The following FBF1 variants were observed in gnomAD, a reference collection of about 807,000 sequenced individuals.
The protein encoded by FBF1 is fas-binding factor 1.
In FBF1, 119 loss-of-function variants were observed where a neutral mutation model predicts 147.2. That is an observed-to-expected ratio of 0.81 (90% CI 0.70 to 0.94). The LOEUF is 0.94. FBF1 is among the 40% of genes least tolerant of loss of function. The pLI, the probability that FBF1 is intolerant of heterozygous loss-of-function variation, is 0.00. For synonymous variants in FBF1, 601 were observed against 609.0 expected (o/e 0.99, Z 0.19); for missense variants, 1,449 against 1,500.8 (o/e 0.97, Z 0.57).
chr17:75,930,269 T>G (rs2065586595), intron 6 of FBF1: 2 of 582,964 alleles, frequency 3.4e-6, no homozygotes, highest in Non-Finnish European at 6.1e-6. Context: ...CAGAGAGCAC[T>G]GCCATTCCTA....
At position 75,919,806 on chromosome 17, in the gene FBF1, T is replaced by C; in HGVS notation, c.2000A>G (p.Glu667Gly). Residue 667 changes from glutamate (E) to glycine (G), a missense_variant, in exon 20 of 30, where the codon GAG (glutamate) becomes GGG (glycine). Glu to Gly is a moderately conservative substitution (Grantham distance 98). Coordinates refer to ENST00000636174, the MANE Select transcript of FBF1 (RefSeq NM_001319193.2). This position sits in a 1 kb window ranked among gnomAD's most constrained non-coding sequence, Gnocchi z 5.0. ...CTGCGACAGATACCGAGCTGACAGCTCTTCGTTCTCTCTCCGGAGCCGCTC... is the reference window on the plus strand; with the variant it reads ...CTGCGACAGATACCGAGCTGACAGCCCTTCGTTCTCTCTCCGGAGCCGCTC... ...REERLRRENE[E>G]LSARYLSQCQ... is the part of the protein sequence containing the mutation. The C allele has an allele frequency of 6.2e-7, 1 of 1,613,740 alleles. No individual in the cohort carries two copies. Among genetic ancestry groups the C allele is most frequent in the East Asian group, 2.2e-5 (1 of 44,888 alleles).
In FBF1 at chr17:75,926,337, A is replaced by G. The variant is rs372219384; in HGVS notation, c.685T>C (p.Leu229=). 6.8e-6 allele frequency: 11 copies of G among 1,613,166 alleles called. No homozygotes were observed. In the African/African-American group the frequency reaches 1.5e-4, roughly 22 times the overall value. ...GCTTTGGGGCTGTCTCCAAACCCCA[A>G]GGTGGCCATGATGTCATCCCCATCA... ...FDDGDDIMAT[L]GFGDSPKAEK... Residue 229 remains leucine, a synonymous_variant, in exon 11 of 30, where the codon TTG becomes CTG. Transcript: ENST00000636174.
chr17:75,920,984 T>C (rs2065522472), intron 17 of FBF1, among the ~76,000 whole-genome samples: 1 of 152,132 alleles, frequency 6.6e-6, no homozygotes, highest in African/African-American at 2.4e-5. Flanking sequence ...GACTGCAGCA[T>C]CCCAGCTCCC....
chr17:75,930,049 T>C lies in FBF1; in HGVS notation c.229-2A>G, dbSNP rs1386759554. On this transcript the variant is annotated splice_acceptor_variant, in intron 6 of 29. Transcript: ENST00000636174. LOFTEE classifies it high-confidence loss of function. ...GTCTGCCTCTGAGATACCTGAAACC[T>C]AAGTCCACAATGAGGGTGAGGACAC... The C allele has an allele frequency of 7.0e-7, 1 of 1,435,800 alleles. No homozygotes were observed. 88.9% of individuals were successfully genotyped at this position (1,435,800 alleles called of 1,614,324 possible).
At chr17:75,936,010 TA>T (rs1261202011) in intron 3 of FBF1, among the ~76,000 whole-genome samples, 1 of 144,868 alleles carries the variant, frequency 6.9e-6, no homozygotes, top group African/African-American at 2.6e-5. Context: ...ACCCTGTCTT[TA>T]CTAAAAATAC....
In FBF1 at chr17:75,923,414, G is replaced by A. The variant is rs1363713286; in HGVS notation, c.1196C>T (p.Thr399Met). The change falls in exon 14 of 30, where the codon ACG becomes ATG. Residue 399 changes from threonine to methionine, a missense_variant. Transcript: ENST00000636174. This position sits in a 1 kb window ranked among gnomAD's most constrained non-coding sequence, Gnocchi z 4.1. ...CCTGGAGGGGGGCAGCCCAGCTGGC[G>A]TGGAGTGCTGGCTCGCAGGAGGAGG... Reference protein sequence around the residue: ...SVPPPASQHSTPAGLPPSRAK... With the variant: ...SVPPPASQHSMPAGLPPSRAK... 3 of 1,607,830 alleles carry A rather than the reference G, an allele frequency of 1.9e-6. No homozygotes were observed. Among genetic ancestry groups the A allele is most frequent in the Non-Finnish European group, 2.5e-6 (3 of 1,177,474 alleles).
intron 13 of FBF1, among the ~76,000 whole-genome samples, chr17:75,924,547 A>G (rs2144175949): frequency 6.6e-6 from 1 of 152,130 alleles, no homozygotes; most frequent in East Asian, 1.9e-4. Context: ...GTGCAATCTC[A>G]GCTCACCACA....
rs2065558259 is a variant in FBF1 at position 75,925,940 on chromosome 17, G to A, written c.868+90C>T. On this transcript the variant is annotated intron_variant, in intron 12 of 29. Coordinates refer to ENST00000636174, the MANE Select transcript of FBF1 (RefSeq NM_001319193.2). The surrounding 1 kb of genome is among the most constrained non-coding windows in gnomAD (Gnocchi z 5.0). ...TATAATCACATGTGTGTATCAGGAT[G>A]TGAGGCTGATTTCTCATTATAGGTT... is the stretch of plus-strand genomic sequence containing the variant. 1 of 1,460,288 alleles carries A rather than the reference G, an allele frequency of 6.8e-7. No homozygotes were observed. The highest frequency in any genetic ancestry group is 1.4e-5 in the African/African-American group (1 of 70,602). 90.5% of individuals were successfully genotyped at this position (1,460,288 alleles called of 1,614,324 possible).
At chr17:75,935,448 C>A (rs997304458) in intron 4 of FBF1, among the ~76,000 whole-genome samples, 184 bp downstream of exon 4, 8 of 151,870 alleles carry the variant, frequency 5.3e-5, no homozygotes, top group Non-Finnish European at 7.4e-5. Flanking sequence ...ATTACAGGCG[C>A]ATATATCTCA....
chr17:75,910,516 G>A lies in FBF1; in HGVS notation c.*207C>T. ...GGGCAGCCAAAGCCATGGTAAGATA[G>A]CCTACACCACAGAGCCCCAGAGGCA... On this transcript the variant is annotated 3_prime_UTR_variant, in exon 30 of 30. Transcript: ENST00000636174. This position sits in a 1 kb window ranked among gnomAD's most constrained non-coding sequence, Gnocchi z 4.1. 1.8e-6 allele frequency: 1 copy of A among 564,480 alleles called. No individual in the cohort carries two copies. The highest frequency in any genetic ancestry group is 4.8e-4 in the Middle Eastern group (1 of 2,080). The allele number at this position is 564,480 out of a possible 1,614,324, so 35.0% of individuals were successfully genotyped here. A position where few individuals can be genotyped will look rare whatever the true frequency, so the allele number is the denominator to read the frequency against.
At position 75,923,067 on chromosome 17, in the gene FBF1, C is replaced by T; in HGVS notation, c.1424+119G>A. The stretch of plus-strand genomic sequence containing the variant: ...AGCCAAGAAGCGGCCTCTGTGGCCA[C>T]GGCGCCCTGCCTTGTTCCCCAACTG... On this transcript the variant is annotated intron_variant, in intron 14 of 29. Transcript: ENST00000636174. The surrounding 1 kb of genome is among the most constrained non-coding windows in gnomAD (Gnocchi z 4.1). 9.5e-7 allele frequency: 1 copy of T among 1,049,574 alleles called. No homozygotes were observed. Among genetic ancestry groups the T allele is most frequent in the Non-Finnish European group, 1.4e-6 (1 of 734,624 alleles). 65.0% of individuals were successfully genotyped at this position (1,049,574 alleles called of 1,614,324 possible). A position where few individuals can be genotyped will look rare whatever the true frequency, so the allele number is the denominator to read the frequency against.
chr17:75,913,390 C>T (rs1481366616), intron 28 of FBF1: 2 of 234,200 alleles, frequency 8.5e-6, no homozygotes, highest in East Asian at 8.9e-5. Flanking sequence ...TCAGATGATC[C>T]GCCTGCCTCG....
intron 6 of FBF1, among the ~76,000 whole-genome samples, chr17:75,930,761 A>G (rs1259363360): frequency 6.6e-6 from 1 of 152,156 alleles, no homozygotes; most frequent in Non-Finnish European, 1.5e-5. Context: ...ATCTCTACTA[A>G]AAATACAAAA....
chr17:75,933,084 T>C lies in FBF1; in HGVS notation c.78A>G (p.Thr26=), dbSNP rs748370097. The C allele has an allele frequency of 1.0e-5, 16 of 1,599,404 alleles. 1 individual carries two copies. In the South Asian group the frequency reaches 1.7e-4, roughly 17 times the overall value. ...CTAGTTTAACAGGCTTCTCAGGTAG[T>C]GTCACTGGAAAAAAAGAAAAGAGAA... The part of the protein sequence containing the change: ...FLGDLLGDDM[T]LPEKPVKLAS... The change falls in exon 5 of 30, where the codon ACA becomes ACG. Residue 26 remains threonine (T), a synonymous_variant. Transcript: ENST00000636174.
Position 75,918,201 on chromosome 17 carries a change from C to A in FBF1, c.2207G>T (p.Arg736Leu), listed in dbSNP as rs538500854. The A allele has an allele frequency of 1.9e-6, 3 of 1,613,272 alleles. No individual in the cohort carries two copies. The highest frequency in any genetic ancestry group is 2.5e-6 in the Non-Finnish European group (3 of 1,179,858). The change falls in exon 21 of 30, where the codon CGA becomes CTA. Residue 736 changes from arginine (R) to leucine (L), a missense_variant. Physicochemically the swap from Arg to Leu is moderately radical, Grantham distance 102 (BLOSUM62 -2). Coordinates refer to ENST00000636174, the MANE Select transcript of FBF1 (RefSeq NM_001319193.2). The surrounding 1 kb of genome is among the most constrained non-coding windows in gnomAD (Gnocchi z 5.8). ...QLQRLKLLKDREVDAATSATS... is the reference protein window; with the variant it reads ...QLQRLKLLKDLEVDAATSATS... ...GGCACTGGTGGCCGCATCGACCTCT[C>A]GGTCCTTCAGCAGCTTTAGCCGCTG...
Position 75,914,813 on chromosome 17 carries a change from C to A in FBF1, c.2748G>T (p.Glu916Asp). The change falls in exon 25 of 30, where the codon GAG (glutamate) becomes GAT (aspartate). Residue 916 changes from glutamate to aspartate, a missense_variant. Transcript: ENST00000636174. ...CCTGCAATGCCCGCTCGGCCTCGCG[C>A]TCGGCCCGCTCCTTACTCAGCTTTT... ...AQQKLSKERAEREAERALQVD... is the reference protein window; with the variant it reads ...AQQKLSKERADREAERALQVD... The A allele has an allele frequency of 6.3e-7, 1 of 1,575,438 alleles. No individual in the cohort carries two copies.
intron 7 of FBF1, 33 bp downstream of exon 7, chr17:75,929,964 C>CCCCCCCCACAA: frequency 7.1e-7 from 1 of 1,402,202 alleles, no homozygotes; most frequent in Non-Finnish European, 9.9e-7. Flanking sequence ...CACCCACCCC[C>CCCCCCCCACAA]AGTTCTAAGA....
chr17:75,919,203 G>A lies in FBF1; in HGVS notation c.2138+465C>T, dbSNP rs928217633. ...ATTACAGGTGTGAGCCACTGCACCC[G>A]GCCCTGAGCAGTCTTAAAAGGCTGC... On this transcript the variant is annotated intron_variant, in intron 20 of 29. Coordinates refer to ENST00000636174, the MANE Select transcript of FBF1 (RefSeq NM_001319193.2). The surrounding 1 kb of genome is among the most constrained non-coding windows in gnomAD (Gnocchi z 5.0). Among the ~76,000 whole-genome samples the A allele has an allele frequency of 7.2e-5, 11 of 152,156 alleles. No individual in the cohort carries two copies. The highest frequency in any genetic ancestry group is 1.3e-4 in the Non-Finnish European group (9 of 68,032).
Position 75,919,163 on chromosome 17 carries a change from T to C in FBF1, c.2138+505A>G, listed in dbSNP as rs2065507958. Among the ~76,000 whole-genome samples the C allele has an allele frequency of 6.6e-6, 1 of 152,176 alleles. No homozygotes were observed. The highest frequency in any genetic ancestry group is 6.6e-5 in the Admixed American group (1 of 15,266). On this transcript the variant is annotated intron_variant, in intron 20 of 29. Transcript: ENST00000636174. The surrounding 1 kb of genome is among the most constrained non-coding windows in gnomAD (Gnocchi z 5.0). ...CTCAAGTGATCCTCCCACCTCGGCCTCCCAAAGTGCTGGGATTACAGGTGT... is the reference window on the plus strand; with the variant it reads ...CTCAAGTGATCCTCCCACCTCGGCCCCCCAAAGTGCTGGGATTACAGGTGT...
Sources: allele counts gnomAD v4.1 joint callset (sites outside exome capture counted in the v4.1 genomes callset), GRCh38; gene constraint gnomAD v4.1.1; non-coding constraint Gnocchi (gnomAD v3.1); transcripts MANE v1.5; gene names NCBI Gene and HGNC (gene_info 2026-07-23, HGNC 2026-07-21).